Variants in ACOXL observed in about 807,000 individuals in gnomAD.
ACOXL encodes acyl-CoA oxidase like.
In ACOXL, 70 loss-of-function variants were observed where a neutral mutation model predicts 71.9. That is an observed-to-expected ratio of 0.97 (90% CI 0.80 to 1.19). The LOEUF (loss-of-function observed/expected upper bound fraction) is 1.19. Among genes scored for constraint, ACOXL ranks in the 50% most tolerant of loss-of-function variants. The pLI, the probability that ACOXL is intolerant of heterozygous loss-of-function variation, is 0.00. For synonymous variants in ACOXL, 253 were observed against 281.6 expected, an observed-to-expected ratio of 0.90 and a Z score of 1.02; for missense variants, 703 against 736.3, an observed-to-expected ratio of 0.95 and a Z score of 0.52.
chr2:110,900,072 A>AACACACAC (rs1207320985), intron 10 of ACOXL, among the ~76,000 whole-genome samples: 1 of 123,090 alleles, frequency 8.1e-6, no homozygotes, highest in East Asian at 2.4e-4. Context: ...AAAGCTTTTC[A>AACACACAC]ACACACACAC....
rs1235822945 is a variant in ACOXL, at chr2:110,841,472, A to G, written c.788+67A>G. 3 of 1,361,974 alleles carry G rather than the reference A, an allele frequency of 2.2e-6. No homozygotes were observed. The Admixed American group carries it at 6.3e-5, about 29-fold the overall frequency. 84.4% of individuals were successfully genotyped at this position (1,361,974 alleles called of 1,614,324 possible). A position where few individuals can be genotyped will look rare whatever the true frequency, so the allele number is the denominator to read the frequency against. ...CCAGTTTATAGCTCTTGGTTTGCTTATGTCTCAGATTTTGAGCTTTTTTTT... is the reference window on the plus strand; with the variant it reads ...CCAGTTTATAGCTCTTGGTTTGCTTGTGTCTCAGATTTTGAGCTTTTTTTT... On this transcript the variant is annotated intron_variant, in intron 10 of 17. Transcript: ENST00000439055.
chr2:111,039,975 G>A (rs928331519), intron 15 of ACOXL, among the ~76,000 whole-genome samples: 3 of 152,240 alleles, frequency 2.0e-5, no homozygotes, highest in Admixed American at 1.3e-4. Flanking sequence ...GTGGATATCA[G>A]AGTTCCTTGC....
At chr2:111,085,683 G>A (rs2068171726) in intron 16 of ACOXL, among the ~76,000 whole-genome samples, 1 of 151,946 alleles carries the variant, frequency 6.6e-6, no homozygotes, top group African/African-American at 2.4e-5. Context: ...AGAAGCAAGA[G>A]CAAACCAACC....
At chr2:111,090,273 G>A (rs1216403702) in intron 16 of ACOXL, among the ~76,000 whole-genome samples, 1 of 152,090 alleles carries the variant, frequency 6.6e-6, no homozygotes, top group African/African-American at 2.4e-5. Flanking sequence ...TAGAGAAGTG[G>A]CTCCAGACAC....
At chr2:110,812,146 TAG>T (rs1228654648) in intron 9 of ACOXL, among the ~76,000 whole-genome samples, 3 of 152,212 alleles carry the variant, frequency 2.0e-5, no homozygotes, top group African/African-American at 7.2e-5. Context: ...AAATAGGATG[TAG>T]AGTTATTTTG....
At chr2:110,773,081 A>G (rs1251772351) in intron 2 of ACOXL, among the ~76,000 whole-genome samples, 1 of 152,246 alleles carries the variant, frequency 6.6e-6, no homozygotes, top group East Asian at 1.9e-4. Context: ...GTTGAGAGTC[A>G]CTGATCTAAA....
At chr2:110,828,617 C>T (rs747002126) in intron 9 of ACOXL, among the ~76,000 whole-genome samples, 18 of 152,174 alleles carry the variant, frequency 1.2e-4, no homozygotes, top group African/African-American at 1.4e-4. Flanking sequence ...ACTTTGCGTA[C>T]GTCATCTCAT....
At chr2:110,857,223 T>A (rs1693367184) in intron 10 of ACOXL, among the ~76,000 whole-genome samples, 1 of 152,226 alleles carries the variant, frequency 6.6e-6, no homozygotes, top group South Asian at 2.1e-4. Flanking sequence ...CTGCTGAGGT[T>A]CTTGCTCTCA....
chr2:110,761,014 A>G (rs559959772), intron 1 of ACOXL, among the ~76,000 whole-genome samples: 1 of 152,250 alleles, frequency 6.6e-6, no homozygotes, highest in Admixed American at 6.5e-5. Context: ...CAATAAATCA[A>G]CCTGCTACTT....
intron 10 of ACOXL, among the ~76,000 whole-genome samples, chr2:110,872,760 T>C (rs1695430582): frequency 6.6e-6 from 1 of 152,168 alleles, no homozygotes. Flanking sequence ...GACTGTAATG[T>C]TTCTGTTAAC....
At chr2:110,847,513 T>G (rs573943281) in intron 10 of ACOXL, among the ~76,000 whole-genome samples, 5 of 152,230 alleles carry the variant, frequency 3.3e-5, no homozygotes, top group Non-Finnish European at 5.9e-5. Context: ...TATGTTTCTT[T>G]AATAAACGAA....
Position 110,947,509 on chromosome 2 carries a change from G to A in ACOXL, c.1059+13867G>A, listed in dbSNP as rs1290652004. ...AGCCTCAGTTTCCTTCTCTCTTAAG[G>A]CCCAGAACATGGTAGATATTCAATA... On this transcript the variant is annotated intron_variant, in intron 12 of 17. Coordinates refer to ENST00000439055, the MANE Select transcript of ACOXL (RefSeq NM_001142807.4). Among the ~76,000 whole-genome samples, 3 of 152,196 alleles carry A rather than the reference G, an allele frequency of 2.0e-5. No individual in the cohort carries two copies. The East Asian group carries it at 5.8e-4, about 29-fold the overall frequency.
chr2:110,810,981 G>C (rs1345119103), intron 9 of ACOXL, among the ~76,000 whole-genome samples: 1 of 152,200 alleles, frequency 6.6e-6, no homozygotes, highest in African/African-American at 2.4e-5. Flanking sequence ...AAAACCATCA[G>C]ATTTCATGAG....
intron 7 of ACOXL, among the ~76,000 whole-genome samples, chr2:110,800,182 G>A (rs557671150): frequency 1.1e-3 from 171 of 152,312 alleles, no homozygotes; most frequent in Non-Finnish European, 2.1e-3. Flanking sequence ...CCACCTTTAA[G>A]AGCTGTAACA....
At chr2:110,895,103 A>G (rs556137662) in intron 10 of ACOXL, among the ~76,000 whole-genome samples, 1 of 152,370 alleles carries the variant, frequency 6.6e-6, no homozygotes, top group East Asian at 1.9e-4. Context: ...TGTTAGAGTA[A>G]CCTGAAAAAT....
chr2:111,029,664 TG>T (rs1282094607), intron 14 of ACOXL, among the ~76,000 whole-genome samples: 2 of 152,220 alleles, frequency 1.3e-5, no homozygotes, highest in Non-Finnish European at 2.9e-5. Context: ...CCCCAAGACC[TG>T]GGTGCTCTTC....
intron 7 of ACOXL, among the ~76,000 whole-genome samples, chr2:110,800,187 G>A (rs930668500): frequency 6.6e-6 from 1 of 152,208 alleles, no homozygotes; most frequent in African/African-American, 2.4e-5. Context: ...TTTAAGAGCT[G>A]TAACACTCAC....
At chr2:110,906,752 C>T (rs542117348) in intron 10 of ACOXL, among the ~76,000 whole-genome samples, 2 of 152,264 alleles carry the variant, frequency 1.3e-5, no homozygotes, top group South Asian at 4.1e-4. Flanking sequence ...CTGCACGTGC[C>T]GCCTTTTCTG....
At chr2:110,932,947 AG>A (rs974994033) in intron 11 of ACOXL, among the ~76,000 whole-genome samples, 4 of 152,196 alleles carry the variant, frequency 2.6e-5, no homozygotes, top group African/African-American at 9.6e-5. Context: ...TAGACTTTGG[AG>A]GAGCAGGTTT....
Sources: gnomAD v4.1 joint callset for allele counts (sites outside exome capture counted in the v4.1 genomes callset) on GRCh38, gnomAD v4.1.1 for gene constraint, MANE v1.5 for transcripts, NCBI Gene and HGNC (gene_info 2026-07-23, HGNC 2026-07-21) for gene names.